UTS2: variants seen among roughly 807,000 people sequenced by gnomAD.
The protein encoded by UTS2 is urotensin-2.
A neutral mutation model predicts 12.6 loss-of-function variants in UTS2; 10 were observed. That is an observed-to-expected ratio of 0.80 (90% CI 0.49 to 1.35). The LOEUF (loss-of-function observed/expected upper bound fraction) is 1.35. Ranked by LOEUF, UTS2 falls within the 40% of genes most tolerant of loss-of-function variation. UTS2 has a pLI of 0.00. For missense variants in UTS2, 142 were observed against 143.2 expected (o/e 0.99, Z 0.04); for synonymous variants, 52 against 50.0 (o/e 1.04, Z -0.17).
chr1:7,908,569 A>G, the UTS2 span, among the ~76,000 whole-genome samples: 1 of 151,750 alleles, frequency 6.6e-6, no homozygotes, highest in African/African-American at 2.4e-5. Context: ...CAAGCTTGAG[A>G]GGCCACTTCT....
At chr1:7,899,582 C>T in the UTS2 span, among the ~76,000 whole-genome samples, 1 of 152,162 alleles carries the variant, frequency 6.6e-6, no homozygotes, top group Non-Finnish European at 1.5e-5. Context: ...TCATGACTCA[C>T]TGCAGCCTCA....
the UTS2 span, among the ~76,000 whole-genome samples, chr1:7,886,359 G>A: frequency 6.6e-6 from 1 of 152,262 alleles, no homozygotes; most frequent in African/African-American, 2.4e-5. Flanking sequence ...TATCCAACTC[G>A]GACAGGAATG....
the UTS2 span, among the ~76,000 whole-genome samples, chr1:7,881,660 T>C: frequency 6.6e-6 from 1 of 152,168 alleles, no homozygotes; most frequent in African/African-American, 2.4e-5. Context: ...AGATGTCTCA[T>C]GTTCATGGAT....
At position 7,850,798 on chromosome 1, in the gene UTS2, G is replaced by T; in HGVS notation, c.214+14C>A. ...ATTAAATCAGACACGCTATAAACAT[G>T]AGAAGCATTTTACCTGCTTTCCTGA... On this transcript the variant is annotated intron_variant, in intron 2 of 3. Transcript: ENST00000361696. The T allele has an allele frequency of 6.2e-7, 1 of 1,612,482 alleles. No homozygotes were observed. Among genetic ancestry groups the T allele is most frequent in the Non-Finnish European group, 8.5e-7 (1 of 1,178,526 alleles).
At chr1:7,870,899 A>G in the UTS2 span, among the ~76,000 whole-genome samples, 1 of 152,240 alleles carries the variant, frequency 6.6e-6, no homozygotes, top group African/African-American at 2.4e-5. Flanking sequence ...ACAGGTAACC[A>G]TGAGGAGGTC....
At chr1:7,883,995 G>A in the UTS2 span, among the ~76,000 whole-genome samples, 1 of 151,638 alleles carries the variant, frequency 6.6e-6, no homozygotes, top group African/African-American at 2.4e-5. Flanking sequence ...TGTATTTTTA[G>A]TAGAGACGGG....
the UTS2 span, among the ~76,000 whole-genome samples, chr1:7,859,823 C>T: frequency 1.3e-5 from 2 of 152,122 alleles, no homozygotes; most frequent in Non-Finnish European, 2.9e-5. Context: ...CATGGTAAAA[C>T]CCTGTCTCTA....
the UTS2 span, among the ~76,000 whole-genome samples, chr1:7,863,101 TTGTATTGTATTGTATTGTATTG>T: frequency 1.5e-5 from 2 of 131,248 alleles, no homozygotes; most frequent in Admixed American, 7.6e-5. Context: ...TTGTATTGTA[TTGTATTGTATTGTATTGTATTG>T]TATTTGAGAC....
At chr1:7,857,107 T>TGAAGGAAGGAAAGGAAGGAAG (rs1638328649), upstream of UTS2, among the ~76,000 whole-genome samples, 2 of 125,284 alleles carry the variant, frequency 1.6e-5, no homozygotes, top group Non-Finnish European at 3.3e-5. Context: ...AGAAAAGGAA[T>TGAAGGAAGGAAAGGAAGGAAG]GAAGGAAGGA....
At chr1:7,859,245 TATTA>T in the UTS2 span, among the ~76,000 whole-genome samples, 1 of 152,194 alleles carries the variant, frequency 6.6e-6, no homozygotes, top group Non-Finnish European at 1.5e-5. Context: ...TTTTAATTTA[TATTA>T]ATTAAAATTA....
chr1:7,868,161 T>C, the UTS2 span, among the ~76,000 whole-genome samples: 2 of 152,174 alleles, frequency 1.3e-5, no homozygotes, highest in African/African-American at 2.4e-5. Context: ...TGCTATTCTG[T>C]GCTCTGACAA....
chr1:7,903,594 C>T, the UTS2 span, among the ~76,000 whole-genome samples: 3 of 151,606 alleles, frequency 2.0e-5, no homozygotes, highest in African/African-American at 4.9e-5. Flanking sequence ...TTCACCATGT[C>T]GGCCAGGCTG....
At chr1:7,871,073 G>T in the UTS2 span, among the ~76,000 whole-genome samples, 5 of 152,226 alleles carry the variant, frequency 3.3e-5, no homozygotes, top group South Asian at 2.1e-4. Flanking sequence ...GCCACTGTTG[G>T]CAGAAAAGCA....
At chr1:7,850,436 A>C (rs1274280392) in intron 2 of UTS2, among the ~76,000 whole-genome samples, 2 of 152,186 alleles carry the variant, frequency 1.3e-5, no homozygotes, top group Non-Finnish European at 2.9e-5. Context: ...CTGAGGTGGA[A>C]ACTTAATCAT....
At chr1:7,860,339 G>A in the UTS2 span, among the ~76,000 whole-genome samples, 2 of 152,094 alleles carry the variant, frequency 1.3e-5, no homozygotes, top group African/African-American at 4.8e-5. Flanking sequence ...ATGGAACAGC[G>A]AGTGCCAAGG....
the UTS2 span, among the ~76,000 whole-genome samples, chr1:7,863,736 C>G: frequency 3.0e-4 from 45 of 152,326 alleles, no homozygotes; most frequent in Middle Eastern, 0.01. Flanking sequence ...AATTTAACGT[C>G]TAGTTATCCA....
the UTS2 span, among the ~76,000 whole-genome samples, chr1:7,907,633 C>G: frequency 3.4e-5 from 5 of 149,190 alleles, no homozygotes; most frequent in African/African-American, 5.0e-5. Context: ...AGAGCCAGAC[C>G]ATGTCTCTAA....
chr1:7,870,207 GTAAAT>G, the UTS2 span, among the ~76,000 whole-genome samples: 27 of 152,332 alleles, frequency 1.8e-4, no homozygotes, highest in Admixed American at 1.2e-3. Flanking sequence ...AAGTAGGCAA[GTAAAT>G]TAAAGTAGGC....
At chr1:7,907,129 G>A in the UTS2 span, among the ~76,000 whole-genome samples, 3 of 152,032 alleles carry the variant, frequency 2.0e-5, no homozygotes, top group Non-Finnish European at 2.9e-5. Flanking sequence ...GGTGGTGCGC[G>A]CTTGTAATCC....
Sources: gnomAD v4.1 joint callset for allele counts (sites outside exome capture counted in the v4.1 genomes callset) on GRCh38, gnomAD v4.1.1 for gene constraint, MANE v1.5 for transcripts, NCBI Gene and HGNC (gene_info 2026-07-23, HGNC 2026-07-21) for gene names.